Variants in LIN28B observed in about 807,000 individuals in gnomAD.
The protein encoded by LIN28B is lin-28 RNA binding posttranscriptional regulator B, also known as protein lin-28 homolog B.
Under a neutral mutation model 21.9 loss-of-function variants are expected in LIN28B, and 5 were observed. That is an observed-to-expected ratio of 0.23 (90% CI 0.12 to 0.48). LIN28B has a LOEUF of 0.48. LIN28B is among the 20% of genes least tolerant of loss of function. LIN28B has a pLI of 0.98. For missense variants in LIN28B, 245 were observed against 310.5 expected (o/e 0.79, Z 1.58); for synonymous variants, 109 against 111.3 (o/e 0.98, Z 0.13).
At chr6:104,983,545 G>T (rs1185055448) in intron 2 of LIN28B, among the ~76,000 whole-genome samples, 1 of 152,040 alleles carries the variant, frequency 6.6e-6, no homozygotes, top group Non-Finnish European at 1.5e-5. Context: ...GACAAATCTT[G>T]GTGTGCTAGC....
rs1772519660 is a variant in LIN28B at position 105,080,337 on chromosome 6, G to A, written c.*1554G>A. On this transcript the variant is annotated 3_prime_UTR_variant, in exon 4 of 4. Coordinates refer to ENST00000345080, the MANE Select transcript of LIN28B (RefSeq NM_001004317.4). Reference sequence around the variant, plus strand: ...ATTAAGCATTATAATTATAATGTATGGGCCTGTTGGTGTAAGCTCAGATAA... The same window carrying A: ...ATTAAGCATTATAATTATAATGTATAGGCCTGTTGGTGTAAGCTCAGATAA... 1 of 152,634 alleles carries A rather than the reference G, an allele frequency of 6.6e-6. No individual in the cohort carries two copies. The highest frequency in any genetic ancestry group is 2.4e-5 in the African/African-American group (1 of 41,446). The allele number at this position is 152,634 out of a possible 1,614,324, so 9.5% of individuals were successfully genotyped here.
At chr6:105,060,957 G>A (rs1220584731) in intron 3 of LIN28B, among the ~76,000 whole-genome samples, 2 of 152,160 alleles carry the variant, frequency 1.3e-5, no homozygotes, top group Non-Finnish European at 2.9e-5. Flanking sequence ...ACAAATATAA[G>A]TATAGATCTT....
intron 3 of LIN28B, among the ~76,000 whole-genome samples, chr6:105,038,911 A>T (rs1442538363): frequency 2.0e-5 from 3 of 152,330 alleles, no homozygotes; most frequent in Middle Eastern, 3.4e-3. Flanking sequence ...TGACAGTACC[A>T]AGCATTGTGA....
intron 2 of LIN28B, among the ~76,000 whole-genome samples, chr6:105,023,038 G>A (rs1771169070): frequency 6.7e-6 from 1 of 149,128 alleles, no homozygotes; most frequent in Admixed American, 6.9e-5. Flanking sequence ...AATAAAAATT[G>A]GCAAGTTAAG....
chr6:104,969,275 C>T (rs912378178), intron 2 of LIN28B, among the ~76,000 whole-genome samples: 4 of 152,062 alleles, frequency 2.6e-5, no homozygotes, highest in Admixed American at 6.6e-5. Context: ...TCACTGTTTC[C>T]TCCCCCATGC....
intron 3 of LIN28B, among the ~76,000 whole-genome samples, chr6:105,064,889 C>G (rs1443197323): frequency 6.6e-6 from 1 of 152,132 alleles, no homozygotes; most frequent in Non-Finnish European, 1.5e-5. Context: ...ACTCATCATT[C>G]AAATACTTAA....
intron 2 of LIN28B, among the ~76,000 whole-genome samples, chr6:105,009,505 T>A: frequency 6.6e-6 from 1 of 152,040 alleles, no homozygotes; most frequent in East Asian, 1.9e-4. Context: ...CAAAGATAAG[T>A]TTGAATTTTC....
At chr6:105,016,797 C>T (rs775051066) in intron 2 of LIN28B, among the ~76,000 whole-genome samples, 14 of 152,000 alleles carry the variant, frequency 9.2e-5, no homozygotes, top group Admixed American at 2.6e-4. Context: ...TGGCTCATGC[C>T]TGTAATCCCA....
intron 3 of LIN28B, among the ~76,000 whole-genome samples, chr6:105,071,834 T>A (rs963502892): frequency 6.6e-6 from 1 of 152,190 alleles, no homozygotes; most frequent in Non-Finnish European, 1.5e-5. Context: ...ATATAGCATA[T>A]CAGCTTAAAA....
At chr6:105,074,055 G>A (rs1204820833) in intron 3 of LIN28B, among the ~76,000 whole-genome samples, 1 of 152,006 alleles carries the variant, frequency 6.6e-6, no homozygotes, top group Non-Finnish European at 1.5e-5. Context: ...AACTAGTGTA[G>A]GTGTTTGGAC....
At chr6:104,986,884 T>G (rs1770357347) in intron 2 of LIN28B, among the ~76,000 whole-genome samples, 1 of 152,220 alleles carries the variant, frequency 6.6e-6, no homozygotes, top group South Asian at 2.1e-4. Context: ...CAATCCGAGC[T>G]TGCCAGCTCC....
chr6:105,070,862 G>T lies in LIN28B; in HGVS notation c.384-7552G>T, dbSNP rs191381922. On this transcript the variant is annotated intron_variant, in intron 3 of 3. Coordinates refer to ENST00000345080, the MANE Select transcript of LIN28B (RefSeq NM_001004317.4). Reference sequence around the variant, plus strand: ...TGTCAATTCACTGTCTTCCCTCCCAGTGGTTTTTACATTCATTCATTCATT... The same window carrying T: ...TGTCAATTCACTGTCTTCCCTCCCATTGGTTTTTACATTCATTCATTCATT... 5.3e-3 allele frequency among the ~76,000 whole-genome samples: 807 copies of T among 152,180 alleles called. 6 individuals carry two copies. Among genetic ancestry groups the T allele is most frequent in the African/African-American group, 0.019 (778 of 41,510 alleles).
intron 3 of LIN28B, among the ~76,000 whole-genome samples, chr6:105,071,697 T>C (rs575865028): frequency 6.6e-6 from 1 of 152,266 alleles, no homozygotes; most frequent in East Asian, 1.9e-4. Context: ...ACCAATATAA[T>C]CTGATTGCAA....
intron 3 of LIN28B, among the ~76,000 whole-genome samples, chr6:105,073,044 T>C (rs1339089836): frequency 6.6e-6 from 1 of 152,066 alleles, no homozygotes; most frequent in East Asian, 1.9e-4. Context: ...GCAGATTGCT[T>C]CCATCAATAT....
intron 2 of LIN28B, among the ~76,000 whole-genome samples, chr6:104,993,804 C>T (rs1178694970): frequency 6.7e-6 from 1 of 149,144 alleles, no homozygotes; most frequent in Non-Finnish European, 1.5e-5. Context: ...CACTGCACTT[C>T]CAGCCTGGAT....
chr6:104,987,222 C>T (rs1770365563), intron 2 of LIN28B, among the ~76,000 whole-genome samples: 1 of 152,060 alleles, frequency 6.6e-6, no homozygotes, highest in East Asian at 1.9e-4. Context: ...TTTTGATGCT[C>T]TTGTTAAATA....
chr6:105,027,235 T>C (rs1329564007), intron 3 of LIN28B, among the ~76,000 whole-genome samples: 1 of 152,074 alleles, frequency 6.6e-6, no homozygotes. Flanking sequence ...TTTCAATACC[T>C]AGTTCTAAAC....
In LIN28B at chr6:105,080,010, C is replaced by T. The variant is rs1383503930; in HGVS notation, c.*1227C>T. Reference sequence around the variant, plus strand: ...GGCAGAGGTACCAAACCTCTCCCACCAGAGAGCTAGAAGTATTTTATACAG... The same window carrying T: ...GGCAGAGGTACCAAACCTCTCCCACTAGAGAGCTAGAAGTATTTTATACAG... On this transcript the variant is annotated 3_prime_UTR_variant, in exon 4 of 4. Transcript: ENST00000345080. The T allele has an allele frequency of 2.6e-5, 4 of 152,082 alleles. No individual in the cohort carries two copies. The highest frequency in any genetic ancestry group is 4.1e-4 in the South Asian group (2 of 4,822). 9.4% of individuals were successfully genotyped at this position (152,082 alleles called of 1,614,324 possible).
chr6:105,050,590 C>A, intron 3 of LIN28B, among the ~76,000 whole-genome samples: 1 of 110,632 alleles, frequency 9.0e-6, no homozygotes, highest in East Asian at 2.8e-4. Flanking sequence ...GCCTGGGCGA[C>A]AGAGCGAGAC....
Sources: allele counts gnomAD v4.1 joint callset (sites outside exome capture counted in the v4.1 genomes callset), GRCh38; gene constraint gnomAD v4.1.1; transcripts MANE v1.5; gene names NCBI Gene and HGNC (gene_info 2026-07-23, HGNC 2026-07-21).